Variants in PRKCQ observed in about 807,000 individuals in gnomAD.
PRKCQ encodes protein kinase C theta type.
PRKCQ carries 41 observed loss-of-function variants against 91.2 expected under a neutral mutation model. That is an observed-to-expected ratio of 0.45 (90% CI 0.35 to 0.58). The LOEUF is 0.58. Among genes scored for constraint, PRKCQ ranks in the 20% least tolerant of loss-of-function variants. The probability of loss-of-function intolerance (pLI) is 0.00; values close to 1 mark genes in which losing one functional copy is unlikely to be tolerated. For synonymous variants in PRKCQ, 307 were observed against 316.9 expected, an observed-to-expected ratio of 0.97 and a Z score of 0.33; for missense variants, 673 against 896.5, an observed-to-expected ratio of 0.75 and a Z score of 3.18.
the PRKCQ span, among the ~76,000 whole-genome samples, chr10:6,408,248 G>A: frequency 6.6e-6 from 1 of 151,958 alleles, no homozygotes; most frequent in African/African-American, 2.4e-5. Flanking sequence ...TCTCCAGGGT[G>A]TACTTTGACA....
At chr10:6,543,160 G>C (rs571650534) in intron 1 of PRKCQ, among the ~76,000 whole-genome samples, 1 of 152,200 alleles carries the variant, frequency 6.6e-6, no homozygotes, top group Non-Finnish European at 1.5e-5. Context: ...CTTTGAAGTC[G>C]TGTTCGTTAG....
chr10:6,517,833 T>C (rs775865005), intron 1 of PRKCQ, among the ~76,000 whole-genome samples: 1 of 152,056 alleles, frequency 6.6e-6, no homozygotes, highest in Non-Finnish European at 1.5e-5. Flanking sequence ...GTATACAAAT[T>C]TGTAAGAAAG....
In PRKCQ at chr10:6,465,061, A is replaced by G. The variant is rs573870636; in HGVS notation, c.1354-657T>C. Among the ~76,000 whole-genome samples the G allele has an allele frequency of 8.5e-5, 13 of 152,298 alleles. No homozygotes were observed. In the South Asian group the frequency reaches 2.5e-3, roughly 29 times the overall value. On this transcript the variant is annotated intron_variant, in intron 12 of 17. Transcript: ENST00000263125. The surrounding 1 kb of genome is among the most constrained non-coding windows in gnomAD (Gnocchi z 4.4). ...AGGGCACTTAGCATGTGCCGATTGT[A>G]TACTTATTGAAAGTGACAGGGTGCA...
intron 13 of PRKCQ, among the ~76,000 whole-genome samples, chr10:6,463,436 T>C (rs1835465608): frequency 6.6e-6 from 1 of 152,018 alleles, no homozygotes; most frequent in African/African-American, 2.4e-5. Flanking sequence ...GCATGAAAAA[T>C]GCCCGATGAT....
intron 16 of PRKCQ, among the ~76,000 whole-genome samples, chr10:6,432,382 C>T (rs530099632): frequency 1.2e-4 from 18 of 152,154 alleles, no homozygotes; most frequent in Admixed American, 3.3e-4. Context: ...GAAGTTTTTT[C>T]GCTTTTTTAA....
At chr10:6,535,246 T>C (rs1480334142) in intron 1 of PRKCQ, among the ~76,000 whole-genome samples, 1 of 152,194 alleles carries the variant, frequency 6.6e-6, no homozygotes, top group Non-Finnish European at 1.5e-5. Context: ...CTCTTTCACC[T>C]AATACCAACT....
intron 1 of PRKCQ, among the ~76,000 whole-genome samples, chr10:6,573,290 C>T (rs892546367): frequency 6.6e-6 from 1 of 152,168 alleles, no homozygotes; most frequent in Admixed American, 6.5e-5. Flanking sequence ...AGCTTATGCC[C>T]TAAAAATGCT....
chr10:6,507,610 G>T, intron 3 of PRKCQ, 114 bp from the exon 4 acceptor site: 2 of 902,484 alleles, frequency 2.2e-6, no homozygotes, highest in Admixed American at 1.7e-5. Context: ...TACAATCATT[G>T]TTACTCTCCA....
At chr10:6,449,431 TG>T (rs1834523574) in intron 15 of PRKCQ, among the ~76,000 whole-genome samples, 2 of 152,222 alleles carry the variant, frequency 1.3e-5, no homozygotes, top group South Asian at 4.2e-4. Flanking sequence ...TATGGGACTA[TG>T]TGAAAAGACC....
At chr10:6,543,125 G>C (rs1314504488) in intron 1 of PRKCQ, among the ~76,000 whole-genome samples, 1 of 152,182 alleles carries the variant, frequency 6.6e-6, no homozygotes, top group Non-Finnish European at 1.5e-5. Flanking sequence ...GCCTGGCAGG[G>C]AGGCAAGGGC....
intron 1 of PRKCQ, among the ~76,000 whole-genome samples, chr10:6,564,022 G>T (rs570555885): frequency 6.6e-6 from 1 of 152,190 alleles, no homozygotes; most frequent in Non-Finnish European, 1.5e-5. Flanking sequence ...CTCAGGCCTG[G>T]GATCAGGTGC....
chr10:6,573,544 G>C (rs1841118307), intron 1 of PRKCQ, among the ~76,000 whole-genome samples: 1 of 152,190 alleles, frequency 6.6e-6, no homozygotes, highest in African/African-American at 2.4e-5. Context: ...GCTTAGCACA[G>C]CAAACGGCCG....
At chr10:6,436,117 A>G (rs1413779671) in intron 16 of PRKCQ, among the ~76,000 whole-genome samples, 2 of 152,158 alleles carry the variant, frequency 1.3e-5, no homozygotes, top group African/African-American at 2.4e-5. Flanking sequence ...CTGTCTTAAA[A>G]AAGAAAAGAA....
intron 16 of PRKCQ, among the ~76,000 whole-genome samples, chr10:6,434,468 C>T (rs936110668): frequency 3.6e-4 from 55 of 152,190 alleles, no homozygotes; most frequent in African/African-American, 1.3e-3. Context: ...TTGCACAGAA[C>T]GGTAAATTAG....
At chr10:6,535,651 A>G (rs572444747) in intron 1 of PRKCQ, among the ~76,000 whole-genome samples, 16 of 152,268 alleles carry the variant, frequency 1.1e-4, no homozygotes, top group Non-Finnish European at 2.2e-4. Context: ...GTCTCCAGCC[A>G]TGCGCCAAGG....
At chr10:6,395,063 T>TTTTG in the PRKCQ span, among the ~76,000 whole-genome samples, 1 of 145,376 alleles carries the variant, frequency 6.9e-6, no homozygotes, top group Non-Finnish European at 1.5e-5. Context: ...AGTCTTTTTT[T>TTTTG]TTTTTTTTTT....
chr10:6,471,088 A>G (rs1564327716), intron 12 of PRKCQ, among the ~76,000 whole-genome samples: 1 of 152,310 alleles, frequency 6.6e-6, no homozygotes, highest in Middle Eastern at 3.4e-3. Flanking sequence ...ATTCGGGACC[A>G]GCCTTCCTGG....
In PRKCQ at chr10:6,430,698, T is replaced by C. The variant is rs1333047545; in HGVS notation, c.1965+112A>G. 3.5e-6 allele frequency: 5 copies of C among 1,427,860 alleles called. No homozygotes were observed. The highest frequency in any genetic ancestry group is 4.8e-6 in the Non-Finnish European group (5 of 1,046,718). 88.4% of individuals were successfully genotyped at this position (1,427,860 alleles called of 1,614,324 possible). ...CATTCCTCCTGGAGAGTGGGGCTGGTGGGGAGTTGGGGCACCGGCAGGGGT... is the reference window on the plus strand; with the variant it reads ...CATTCCTCCTGGAGAGTGGGGCTGGCGGGGAGTTGGGGCACCGGCAGGGGT... On this transcript the variant is annotated intron_variant, in intron 17 of 17. Transcript: ENST00000263125. The surrounding 1 kb of genome is among the most constrained non-coding windows in gnomAD (Gnocchi z 4.7).
downstream of PRKCQ, among the ~76,000 whole-genome samples, chr10:6,425,423 C>T (rs1044477978): frequency 3.9e-5 from 6 of 152,004 alleles, no homozygotes; most frequent in African/African-American, 1.5e-4. Flanking sequence ...GGGGTTTCAC[C>T]ATGTTGGTCA....
Sources: allele counts gnomAD v4.1 joint callset (sites outside exome capture counted in the v4.1 genomes callset), GRCh38; gene constraint gnomAD v4.1.1; non-coding constraint Gnocchi (gnomAD v3.1); transcripts MANE v1.5; gene names NCBI Gene and HGNC (gene_info 2026-07-23, HGNC 2026-07-21).